Variants in SGCZ observed in about 807,000 individuals in gnomAD.
SGCZ encodes zeta-sarcoglycan.
Under a neutral mutation model 41.3 loss-of-function variants are expected in SGCZ, and 40 were observed. The ratio of observed to expected loss-of-function variants is 0.97; its 90% CI spans 0.75 to 1.26. SGCZ has a LOEUF of 1.26. Ranked by LOEUF, SGCZ falls within the 50% of genes most tolerant of loss-of-function variation. The pLI is 0.00. For synonymous variants in SGCZ, 206 were observed against 137.5 expected (o/e 1.50, Z -3.49); for missense variants, 552 against 369.8 (o/e 1.49, Z -4.04).
intron 2 of SGCZ, among the ~76,000 whole-genome samples, chr8:14,502,618 AC>A (rs1419087335): frequency 5.9e-5 from 9 of 151,478 alleles, no homozygotes; most frequent in Admixed American, 1.3e-4. Context: ...AAGAAAAAAA[AC>A]AACCCCATTA....
intron 1 of SGCZ, among the ~76,000 whole-genome samples, chr8:15,070,726 T>G (rs1186351205): frequency 6.6e-6 from 1 of 152,204 alleles, no homozygotes; most frequent in Non-Finnish European, 1.5e-5. Context: ...GCTTTACAGT[T>G]AACTTCTTTT....
intron 1 of SGCZ, among the ~76,000 whole-genome samples, chr8:15,056,389 A>G (rs1037491675): frequency 6.6e-6 from 1 of 152,066 alleles, no homozygotes; most frequent in Non-Finnish European, 1.5e-5. Flanking sequence ...TTCTCATTAC[A>G]TTTTCTGCAA....
rs1799607566 is a variant in SGCZ, at chr8:14,260,234, T to A, written c.337-22555A>T. Among the ~76,000 whole-genome samples, 5 of 151,870 alleles carry A rather than the reference T, an allele frequency of 3.3e-5. No individual in the cohort carries two copies. In the South Asian group the frequency reaches 1.0e-3, roughly 32 times the overall value. ...CTAATATCCAGAATCTACAATGAAC[T>A]CAAACAAATTTACAAGCAAAAAACA... On this transcript the variant is annotated intron_variant, in intron 3 of 7. Coordinates refer to ENST00000382080, the MANE Select transcript of SGCZ (RefSeq NM_139167.4).
At chr8:14,785,157 C>T (rs1307062093) in intron 1 of SGCZ, among the ~76,000 whole-genome samples, 1 of 150,656 alleles carries the variant, frequency 6.6e-6, no homozygotes, top group African/African-American at 2.4e-5. Context: ...AAATGATAAT[C>T]CCAGTGTTTT....
chr8:15,216,705 G>A (rs76189703), intron 1 of SGCZ, among the ~76,000 whole-genome samples: 4,006 of 152,034 alleles, frequency 0.026, 87 homozygotes, highest in Non-Finnish European at 0.043. Flanking sequence ...ATCTTCTAAA[G>A]GGCAAGTATT....
intron 3 of SGCZ, among the ~76,000 whole-genome samples, chr8:14,286,931 GATT>G (rs1335766658): frequency 2.6e-5 from 4 of 151,914 alleles, no homozygotes; most frequent in Non-Finnish European, 5.9e-5. Flanking sequence ...AAATGTATGT[GATT>G]ATACTATAAA....
chr8:14,701,465 T>G (rs1809134241), intron 1 of SGCZ, among the ~76,000 whole-genome samples: 1 of 151,928 alleles, frequency 6.6e-6, no homozygotes, highest in Admixed American at 6.6e-5. Context: ...TTCAATTACT[T>G]CTCTTCTCAC....
At chr8:14,822,119 TAATA>T (rs1000482082) in intron 1 of SGCZ, among the ~76,000 whole-genome samples, 13 of 148,010 alleles carry the variant, frequency 8.8e-5, no homozygotes, top group East Asian at 4.0e-4. Flanking sequence ...CGGTTAGAAC[TAATA>T]AATAAATTCA....
chr8:14,694,611 A>G (rs1808899245), intron 1 of SGCZ, among the ~76,000 whole-genome samples: 1 of 152,142 alleles, frequency 6.6e-6, no homozygotes, highest in South Asian at 2.1e-4. Flanking sequence ...TGTGGGAAAA[A>G]AGGACTGTGC....
intron 2 of SGCZ, among the ~76,000 whole-genome samples, chr8:14,412,015 T>A (rs1204784523): frequency 6.6e-6 from 1 of 152,076 alleles, no homozygotes; most frequent in Non-Finnish European, 1.5e-5. Context: ...AGGGCGTGCA[T>A]CTTCTTTGTT....
chr8:14,141,996 G>C (rs976998489), intron 5 of SGCZ, among the ~76,000 whole-genome samples: 1 of 152,162 alleles, frequency 6.6e-6, no homozygotes, highest in Admixed American at 6.5e-5. Context: ...ATAAAAAATG[G>C]ATAAGTTCAT....
chr8:14,592,385 T>C (rs899526658), intron 1 of SGCZ, among the ~76,000 whole-genome samples: 1 of 152,124 alleles, frequency 6.6e-6, no homozygotes. Context: ...TCCAATGTAT[T>C]TTCTACTGTC....
At chr8:14,283,776 T>A (rs912298149) in intron 3 of SGCZ, among the ~76,000 whole-genome samples, 1 of 152,218 alleles carries the variant, frequency 6.6e-6, no homozygotes, top group African/African-American at 2.4e-5. Flanking sequence ...ACTACTCTAC[T>A]GCAATGGCAC....
intron 1 of SGCZ, among the ~76,000 whole-genome samples, chr8:14,841,045 A>G (rs1217693566): frequency 6.6e-6 from 1 of 152,088 alleles, no homozygotes. Flanking sequence ...TTTTGTTTGA[A>G]GTCTTGTAGC....
chr8:15,213,266 A>G (rs1279304830), intron 1 of SGCZ, among the ~76,000 whole-genome samples: 3 of 151,960 alleles, frequency 2.0e-5, no homozygotes, highest in Non-Finnish European at 4.4e-5. Context: ...CCCTCAAATT[A>G]TTTGTTAAGT....
At chr8:14,146,167 T>G (rs1270056392) in intron 5 of SGCZ, among the ~76,000 whole-genome samples, 1 of 151,906 alleles carries the variant, frequency 6.6e-6, no homozygotes, top group Non-Finnish European at 1.5e-5. Context: ...CTCTCAAAAG[T>G]CAATGATAAA....
chr8:14,837,911 C>T (rs1192291365), intron 1 of SGCZ, among the ~76,000 whole-genome samples: 2 of 151,896 alleles, frequency 1.3e-5, no homozygotes, highest in Non-Finnish European at 2.9e-5. Flanking sequence ...TTACTGTTTC[C>T]TTGTGTTAGA....
chr8:14,485,748 A>C (rs1801653310), intron 2 of SGCZ, among the ~76,000 whole-genome samples: 1 of 151,970 alleles, frequency 6.6e-6, no homozygotes. Context: ...CACTAGACAC[A>C]TGCAACACAG....
At chr8:14,912,556 A>G (rs1408170599) in intron 1 of SGCZ, among the ~76,000 whole-genome samples, 1 of 152,110 alleles carries the variant, frequency 6.6e-6, no homozygotes, top group Non-Finnish European at 1.5e-5. Flanking sequence ...GGAATATAGT[A>G]GTGATGTTTC....
Sources: allele counts gnomAD v4.1 joint callset (sites outside exome capture counted in the v4.1 genomes callset), GRCh38; gene constraint gnomAD v4.1.1; transcripts MANE v1.5; gene names NCBI Gene and HGNC (gene_info 2026-07-23, HGNC 2026-07-21).